HDAC5: variants seen among roughly 807,000 people sequenced by gnomAD.
HDAC5 encodes histone deacetylase 5.
Under a neutral mutation model 133.3 loss-of-function variants are expected in HDAC5, and 25 were observed. The ratio of observed to expected loss-of-function variants is 0.19; its 90% CI spans 0.14 to 0.26. HDAC5 has a LOEUF of 0.26. Ranked by LOEUF, HDAC5 falls within the 10% of genes least tolerant of loss-of-function variation. The probability of loss-of-function intolerance (pLI) is 1.00; values close to 1 mark genes in which losing one functional copy is unlikely to be tolerated. For missense variants in HDAC5, 1,041 were observed against 1,460.5 expected, an observed-to-expected ratio of 0.71 and a Z score of 4.68; for synonymous variants, 589 against 610.8, an observed-to-expected ratio of 0.96 and a Z score of 0.53.
At chr17:44,084,888 G>T in intron 15 of HDAC5, 134 bp downstream of exon 15, 1 of 1,312,488 alleles carries the variant, frequency 7.6e-7, no homozygotes, top group Non-Finnish European at 1.1e-6. Context: ...GGATGGAACG[G>T]GGTGGTGGGA....
At position 44,080,157 on chromosome 17, in the gene HDAC5, G is replaced by C; in HGVS notation, c.2894C>G (p.Ala965Gly). Residue 965 changes from alanine (A) to glycine (G), a missense_variant, in exon 23 of 27, where the codon GCT (alanine) becomes GGT (glycine). This residue lies in a region of HDAC5 where 174 missense variants were observed against 352.7 expected (regional missense o/e 0.49). Coordinates refer to ENST00000682912, the MANE Select transcript of HDAC5 (RefSeq NM_005474.5). Reference protein sequence around the residue: ...DVVLVSAGFDAVEGHLSPLGG... With the variant: ...DVVLVSAGFDGVEGHLSPLGG... ...CAGAGGAGACAGATGTCCTTCAACAGCATCAAACCCGGCGGAGACTAGGAC... is the reference window on the plus strand; with the variant it reads ...CAGAGGAGACAGATGTCCTTCAACACCATCAAACCCGGCGGAGACTAGGAC... The C allele has an allele frequency of 6.2e-7, 1 of 1,614,092 alleles. No homozygotes were observed.
chr17:44,084,695 G>A lies in HDAC5; in HGVS notation c.2185-20C>T. 1 of 1,613,474 alleles carries A rather than the reference G, an allele frequency of 6.2e-7. No homozygotes were observed. Among genetic ancestry groups the A allele is most frequent in the Non-Finnish European group, 8.5e-7 (1 of 1,179,564 alleles). On this transcript the variant is annotated intron_variant, in intron 15 of 26. Coordinates refer to ENST00000682912, the MANE Select transcript of HDAC5 (RefSeq NM_005474.5). ...GATCCGCTGCCAGGAGGATCAGTAA[G>A]AGGGGTCACACAAAGGCACAGCTCT... is the stretch of plus-strand genomic sequence containing the variant.
At chr17:44,108,628 G>A (rs1409537535) in intron 3 of HDAC5, among the ~76,000 whole-genome samples, 2 of 152,016 alleles carry the variant, frequency 1.3e-5, no homozygotes, top group Non-Finnish European at 2.9e-5. Flanking sequence ...GATGGGGAGA[G>A]GGGGTGGGGA....
In HDAC5 at chr17:44,123,547, A is replaced by AGCG. The variant is rs1371806289; in HGVS notation, c.-236_-234dup. On this transcript the variant is annotated 5_prime_UTR_variant, in exon 1 of 27. Coordinates refer to ENST00000682912, the MANE Select transcript of HDAC5 (RefSeq NM_005474.5). ...CGGCTTCGCGGGCGGCGGCGGCAGC[A>AGCG]GCGGCGGCGGCAGCGGCGGCAGCAC... The AGCG allele has an allele frequency of 2.5e-6, 1 of 399,894 alleles. No homozygotes were observed. The highest frequency in any genetic ancestry group is 4.4e-6 in the Non-Finnish European group (1 of 228,276). 24.8% of individuals were successfully genotyped at this position (399,894 alleles called of 1,614,324 possible). A position where few individuals can be genotyped will look rare whatever the true frequency, so the allele number is the denominator to read the frequency against.
intron 3 of HDAC5, among the ~76,000 whole-genome samples, chr17:44,103,558 G>A (rs533078892): frequency 1.2e-4 from 19 of 152,268 alleles, no homozygotes; most frequent in East Asian, 7.7e-4. Context: ...AGTTAGGCTC[G>A]GGAGAATGTA....
chr17:44,084,955 G>A, intron 15 of HDAC5, 67 bp downstream of exon 15: 1 of 1,530,952 alleles, frequency 6.5e-7, no homozygotes, highest in Admixed American at 1.8e-5. Context: ...ATGAAGAGAG[G>A]CTTATCTAAC....
chr17:44,108,038 A>C (rs1598014816), intron 3 of HDAC5, among the ~76,000 whole-genome samples: 1 of 152,064 alleles, frequency 6.6e-6, no homozygotes, highest in Admixed American at 6.6e-5. Flanking sequence ...TAGAGTTCAA[A>C]CTCCCAGGCT....
Position 44,117,455 on chromosome 17 carries a change from C to A in HDAC5, c.22+39G>T. On this transcript the variant is annotated intron_variant, in intron 2 of 26. Transcript: ENST00000682912. This position sits in a 1 kb window ranked among gnomAD's most constrained non-coding sequence, Gnocchi z 4.2. Reference sequence around the variant, plus strand: ...CCCACACAGCCCATTGCATCCGAAGCTACCCCAGGGTGCTCTTCTCCAACC... The same window carrying A: ...CCCACACAGCCCATTGCATCCGAAGATACCCCAGGGTGCTCTTCTCCAACC... 1 of 1,612,944 alleles carries A rather than the reference C, an allele frequency of 6.2e-7. No homozygotes were observed. Among genetic ancestry groups the A allele is most frequent in the East Asian group, 2.2e-5 (1 of 44,878 alleles).
chr17:44,086,785 G>C, intron 13 of HDAC5, 48 bp from the exon 14 acceptor site: 1 of 1,258,948 alleles, frequency 7.9e-7, no homozygotes, highest in Non-Finnish European at 1.0e-6. Context: ...AGCCAGGACA[G>C]GGGTGAGGGC....
In HDAC5 at chr17:44,079,237, C is replaced by T. The variant is rs1289017212; in HGVS notation, c.2985G>A (p.Gly995=). The T allele has an allele frequency of 1.7e-5, 28 of 1,613,660 alleles. No homozygotes were observed. The highest frequency in any genetic ancestry group is 2.3e-5 in the Non-Finnish European group (27 of 1,179,672). The change falls in exon 24 of 27, where the codon GGG becomes GGA. Residue 995 remains glycine, a synonymous_variant. Coordinates refer to ENST00000682912, the MANE Select transcript of HDAC5 (RefSeq NM_005474.5). ...HLTRQLMTLA[G]GRVVLALEGG... ...CCTCCAGGGCCAGCACCACCCGGCC[C>T]CCTGCCAGGGTCATCAGCTGCCTGG...
At chr17:44,082,540 C>T in intron 20 of HDAC5, 45 bp downstream of exon 20, 3 of 1,477,682 alleles carry the variant, frequency 2.0e-6, no homozygotes, top group Non-Finnish European at 2.8e-6. Context: ...GACCCTGGTC[C>T]TAGCTCTACC....
In HDAC5 at chr17:44,123,624, G is replaced by A; in HGVS notation, c.-310C>T. On this transcript the variant is annotated 5_prime_UTR_variant, in exon 1 of 27. Transcript: ENST00000682912. ...GGCGGCTCCTCCGGCTCCGCTCGCC[G>A]CCGCCACCAACAACAACATTCGGAG... is the stretch of plus-strand genomic sequence containing the variant. 1 of 396,338 alleles carries A rather than the reference G, an allele frequency of 2.5e-6. No individual in the cohort carries two copies. Among genetic ancestry groups the A allele is most frequent in the Non-Finnish European group, 4.5e-6 (1 of 224,694 alleles). 24.6% of individuals were successfully genotyped at this position (396,338 alleles called of 1,614,324 possible).
intron 3 of HDAC5, among the ~76,000 whole-genome samples, chr17:44,110,324 T>C (rs2052257004): frequency 6.6e-6 from 1 of 152,184 alleles, no homozygotes; most frequent in South Asian, 2.1e-4. Flanking sequence ...CCTTTATTCT[T>C]GTGGACACCC....
At chr17:44,104,220 G>T (rs544995312) in intron 3 of HDAC5, among the ~76,000 whole-genome samples, 1 of 152,022 alleles carries the variant, frequency 6.6e-6, no homozygotes, top group East Asian at 2.0e-4. Context: ...CAGGAGAATC[G>T]CTTGAACCCA....
At chr17:44,099,676 G>A (rs951378574) in intron 3 of HDAC5, among the ~76,000 whole-genome samples, 16 of 152,008 alleles carry the variant, frequency 1.1e-4, no homozygotes, top group Non-Finnish European at 2.1e-4. Context: ...GGGTTTCACC[G>A]TGTTAGCCAG....
chr17:44,088,501 G>C lies in HDAC5; in HGVS notation c.1485C>G (p.Arg495=). The change falls in exon 12 of 27, where the codon CGC becomes CGG. Residue 495 remains arginine (R), a synonymous_variant. Coordinates refer to ENST00000682912, the MANE Select transcript of HDAC5 (RefSeq NM_005474.5). The stretch of plus-strand genomic sequence containing the variant: ...TCTGCGGCAGCGGTGAGGACTGAGT[G>C]CGGCTCAGGGGCCGATGCCGCGGGA... ...GKLPRHRPLS[R]TQSSPLPQSP... 6.2e-7 allele frequency: 1 copy of C among 1,612,996 alleles called. No individual in the cohort carries two copies. Among genetic ancestry groups the C allele is most frequent in the South Asian group, 1.1e-5 (1 of 90,938 alleles).
intron 12 of HDAC5, among the ~76,000 whole-genome samples, chr17:44,087,912 C>T (rs778440279): frequency 1.3e-5 from 2 of 151,964 alleles, no homozygotes; most frequent in African/African-American, 2.4e-5. Context: ...GGCACGATCT[C>T]GGCTCACTGC....
At chr17:44,119,235 G>A (rs1258672268) in intron 1 of HDAC5, among the ~76,000 whole-genome samples, 1 of 152,240 alleles carries the variant, frequency 6.6e-6, no homozygotes, top group Non-Finnish European at 1.5e-5. Context: ...TGGGCAGGCA[G>A]TTCAGCCTGT....
intron 3 of HDAC5, among the ~76,000 whole-genome samples, chr17:44,103,704 GT>G (rs1237308185): frequency 6.6e-6 from 1 of 150,974 alleles, no homozygotes; most frequent in Non-Finnish European, 1.5e-5. Context: ...TCTCAGAATG[GT>G]TTTTTCTTTT....
Sources: gnomAD v4.1 joint callset for allele counts (sites outside exome capture counted in the v4.1 genomes callset) on GRCh38, gnomAD v4.1.1 for gene constraint, gnomAD v4.1.1 regional missense constraint, Gnocchi (gnomAD v3.1) non-coding constraint, MANE v1.5 for transcripts, NCBI Gene and HGNC (gene_info 2026-07-23, HGNC 2026-07-21) for gene names.